ANTXRL: variants seen among roughly 807,000 people sequenced by gnomAD.
The protein encoded by ANTXRL is anthrax toxin receptor-like.
ANTXRL carries 63 observed loss-of-function variants against 75.4 expected under a neutral mutation model. The observed-to-expected ratio is 0.84, with a 90% CI of 0.68 to 1.03. The LOEUF (loss-of-function observed/expected upper bound fraction) is 1.03. Ranked by LOEUF, ANTXRL falls within the 50% of genes least tolerant of loss-of-function variation. The pLI, the probability that ANTXRL is intolerant of heterozygous loss-of-function variation, is 0.00. For synonymous variants in ANTXRL, 335 were observed against 291.3 expected (o/e 1.15, Z -1.53); for missense variants, 797 against 789.4 (o/e 1.01, Z -0.12).
chr10:46,304,687 C>G (rs147830108), intron 10 of ANTXRL, among the ~76,000 whole-genome samples: 1 of 152,272 alleles, frequency 6.6e-6, no homozygotes, highest in Admixed American at 6.5e-5. Flanking sequence ...CATTTTAATT[C>G]TGACAACTTT....
At chr10:46,293,377 TGTGA>T (rs1403730053) in intron 2 of ANTXRL, among the ~76,000 whole-genome samples, 49 of 142,868 alleles carry the variant, frequency 3.4e-4, no homozygotes, top group African/African-American at 1.0e-3. Context: ...TGTGCCTGTG[TGTGA>T]GTGTGTGCCT....
chr10:46,308,411 T>TCCCCCC, intron 12 of ANTXRL: 1 of 70,822 alleles, frequency 1.4e-5, no homozygotes, highest in Admixed American at 2.9e-4. Flanking sequence ...TTCCCTCCCC[T>TCCCCCC]CCCCTCCCCT....
intron 16 of ANTXRL, among the ~76,000 whole-genome samples, chr10:46,323,694 C>T (rs920100425): frequency 3.9e-5 from 6 of 152,122 alleles, no homozygotes; most frequent in African/African-American, 1.4e-4. Flanking sequence ...ATGTTTCCCC[C>T]ATGTTCTTGA....
At chr10:46,293,305 T>TGCGC (rs1837113763) in intron 2 of ANTXRL, among the ~76,000 whole-genome samples, 1 of 140,718 alleles carries the variant, frequency 7.1e-6, no homozygotes, top group African/African-American at 2.6e-5. Flanking sequence ...TGCCTGTGTG[T>TGCGC]GTGTGCGTGT....
chr10:46,298,887 G>A (rs548338111), intron 9 of ANTXRL, among the ~76,000 whole-genome samples: 1 of 151,814 alleles, frequency 6.6e-6, no homozygotes, highest in East Asian at 1.9e-4. Flanking sequence ...GTCGGTGGGA[G>A]TGGACATGTG....
chr10:46,308,663 A>C (rs1353453551), intron 12 of ANTXRL: 1 of 347,376 alleles, frequency 2.9e-6, no homozygotes, highest in South Asian at 2.2e-5. Flanking sequence ...TTCCCTTTGC[A>C]CAGGTGTGGA....
At chr10:46,308,231 G>C (rs1230223842) in intron 12 of ANTXRL, among the ~76,000 whole-genome samples, 2 of 152,170 alleles carry the variant, frequency 1.3e-5, no homozygotes, top group Admixed American at 6.5e-5. Context: ...GCATGGATCT[G>C]CAGGCTGAAT....
chr10:46,318,624 C>T (rs1838845324), intron 16 of ANTXRL, among the ~76,000 whole-genome samples: 1 of 152,030 alleles, frequency 6.6e-6, no homozygotes, highest in African/African-American at 2.4e-5. Flanking sequence ...TAATGAAAAA[C>T]AAGAGGCTGA....
intron 16 of ANTXRL, among the ~76,000 whole-genome samples, chr10:46,316,928 C>G (rs782219846): frequency 6.6e-6 from 1 of 152,094 alleles, no homozygotes; most frequent in Non-Finnish European, 1.5e-5. Context: ...TGGCGTGTCT[C>G]TATGGGTGCT....
intron 16 of ANTXRL, among the ~76,000 whole-genome samples, chr10:46,319,168 A>G (rs7098368): frequency 0.14 from 21,749 of 152,110 alleles, 5,103 homozygotes; most frequent in African/African-American, 0.49. Context: ...GCTTTCTCAG[A>G]CCAAAATTTA....
intron 10 of ANTXRL, among the ~76,000 whole-genome samples, chr10:46,304,608 CCT>C (rs1465436723): frequency 6.6e-6 from 1 of 152,080 alleles, no homozygotes; most frequent in African/African-American, 2.4e-5. Flanking sequence ...GGCATAAAAC[CCT>C]CTCTTTGTAG....
At position 46,329,873 on chromosome 10, in the gene ANTXRL, A is replaced by G. The variant is rs1554967272; in HGVS notation, c.1685A>G (p.Glu562Gly). 3 of 1,535,142 alleles carry G rather than the reference A, an allele frequency of 2.0e-6. No homozygotes were observed. The highest frequency in any genetic ancestry group is 2.6e-6 in the Non-Finnish European group (3 of 1,146,368). ...SPRICLRHSP[E>G]YFSQAQTLCN... ...AGGATCTGCCTGAGACACAGCCCGG[A>G]GTACTTTTCCCAAGCACAGACTCTG... Residue 562 changes from glutamate to glycine, a missense_variant, in exon 17 of 17, where the codon GAG becomes GGG. Physicochemically the swap from Glu to Gly is moderately conservative, Grantham distance 98 (BLOSUM62 -2). Around this residue, in one of 3 missense-constraint regions of ANTXRL, gnomAD observed 479 missense variants for 422.0 expected, o/e 1.14. Coordinates refer to ENST00000620264, the MANE Select transcript of ANTXRL (RefSeq NM_001278688.3).
chr10:46,320,850 A>T (rs1838945705), intron 16 of ANTXRL, among the ~76,000 whole-genome samples: 1 of 152,198 alleles, frequency 6.6e-6, no homozygotes, highest in Non-Finnish European at 1.5e-5. Flanking sequence ...TACCCTACTG[A>T]ATTTAATCTG....
chr10:46,306,775 A>G, intron 10 of ANTXRL, 28 bp from the exon 11 acceptor site: 1 of 1,505,722 alleles, frequency 6.6e-7, no homozygotes, highest in East Asian at 2.5e-5. Context: ...AGGTGCACTG[A>G]CATTCTTCTC....
At position 46,306,881 on chromosome 10, in the gene ANTXRL, C is replaced by T; in HGVS notation, c.965+9C>T. 6.6e-7 allele frequency: 1 copy of T among 1,524,374 alleles called. No homozygotes were observed. Among genetic ancestry groups the T allele is most frequent in the Middle Eastern group, 1.7e-4 (1 of 5,936 alleles). The allele number at this position is 1,524,374 out of a possible 1,614,324, so 94.4% of individuals were successfully genotyped here. ...CTAGAAAAACCTGGAGAGTAAGTGC[C>T]CCTGGCAGGAGGCTAGAGGGCAAGA... is the stretch of plus-strand genomic sequence containing the variant. On this transcript the variant is annotated intron_variant, in intron 11 of 16. Transcript: ENST00000620264.
At position 46,329,944 on chromosome 10, in the gene ANTXRL, C is replaced by G. The variant is rs561376939; in HGVS notation, c.1756C>G (p.Leu586Val). Residue 586 changes from leucine to valine, a missense_variant, in exon 17 of 17, where the codon CTC becomes GTC. By Grantham distance (32) the Leu-to-Val change is conservative. Around this residue, in one of 3 missense-constraint regions of ANTXRL, gnomAD observed 479 missense variants for 422.0 expected, o/e 1.14. Coordinates refer to ENST00000620264, the MANE Select transcript of ANTXRL (RefSeq NM_001278688.3). ...TCAACCCAGCCGGGAGTGCCTCCCC[C>G]TCACCTGCTCCTCCAGGTGCCGCCT... is the stretch of plus-strand genomic sequence containing the variant. ...CLQPSRECLPLTCSSRCRLPP... is the reference protein window; with the variant it reads ...CLQPSRECLPVTCSSRCRLPP... 1.1e-4 allele frequency: 170 copies of G among 1,535,900 alleles called. 2 individuals are homozygous for G. The South Asian group carries it at 1.3e-3, about 12-fold the overall frequency.
intron 14 of ANTXRL, 120 bp from the exon 15 acceptor site, chr10:46,311,390 G>A: frequency 7.4e-7 from 1 of 1,344,584 alleles, no homozygotes; most frequent in South Asian, 1.7e-5. Context: ...TCACATGAAG[G>A]ACCCTCCACT....
intron 5 of ANTXRL, among the ~76,000 whole-genome samples, 164 bp from the exon 6 acceptor site, chr10:46,297,088 G>A (rs1554958976): frequency 6.6e-6 from 1 of 152,172 alleles, no homozygotes; most frequent in Non-Finnish European, 1.5e-5. Flanking sequence ...GGTGGCAGGT[G>A]CTTGGGTCTT....
chr10:46,302,037 G>T (rs1354233186), intron 9 of ANTXRL, among the ~76,000 whole-genome samples: 5 of 152,190 alleles, frequency 3.3e-5, no homozygotes, highest in Non-Finnish European at 5.9e-5. Context: ...CTCAGGATGG[G>T]TGCCCTGTGG....
Sources: gnomAD v4.1 joint callset for allele counts (sites outside exome capture counted in the v4.1 genomes callset) on GRCh38, gnomAD v4.1.1 for gene constraint, gnomAD v4.1.1 regional missense constraint, MANE v1.5 for transcripts, NCBI Gene and HGNC (gene_info 2026-07-23, HGNC 2026-07-21) for gene names.